Variants in COL2A1 observed in about 807,000 individuals in gnomAD.
The protein encoded by COL2A1 is collagen type II alpha 1 chain, also known as collagen alpha-1(II) chain.
In COL2A1, 28 loss-of-function variants were observed where a neutral mutation model predicts 204.5. The ratio of observed to expected loss-of-function variants is 0.14; its 90% CI spans 0.10 to 0.19. The LOEUF is 0.19. COL2A1 is among the 10% of genes least tolerant of loss of function. COL2A1 has a pLI of 1.00. For synonymous variants in COL2A1, 708 were observed against 718.7 expected, an observed-to-expected ratio of 0.99 and a Z score of 0.24; for missense variants, 1,388 against 2,027.5, an observed-to-expected ratio of 0.68 and a Z score of 6.06.
intron 23 of COL2A1, 24 bp from the exon 24 acceptor site, chr12:47,985,989 G>T (rs369923619): frequency 6.4e-7 from 1 of 1,551,148 alleles, no homozygotes; most frequent in Non-Finnish European, 8.7e-7. Flanking sequence ...GGGAGGAGAG[G>T]CAGTGAGTGA....
At chr12:47,986,548 T>TA (rs1555167310) in intron 22 of COL2A1, 105 bp from the exon 23 acceptor site, 4 of 673,816 alleles carry the variant, frequency 5.9e-6, no homozygotes, top group Non-Finnish European at 1.0e-5. Flanking sequence ...GTTTCAGGGC[T>TA]GGGGGGGGGC....
chr12:47,985,649 G>A lies in COL2A1; in HGVS notation c.1681-62C>T, dbSNP rs1472087330. The A allele has an allele frequency of 3.1e-6, 5 of 1,608,416 alleles. No homozygotes were observed. In the South Asian group the frequency reaches 4.4e-5, roughly 14 times the overall value. ...CCGGCCCCAGGACCTCCCAATCCTGGCAGTGCAGGGCTGGAAGGAGCCAGC... is the reference window on the plus strand; with the variant it reads ...CCGGCCCCAGGACCTCCCAATCCTGACAGTGCAGGGCTGGAAGGAGCCAGC... On this transcript the variant is annotated intron_variant, in intron 25 of 53. Coordinates refer to ENST00000380518, the MANE Select transcript of COL2A1 (RefSeq NM_001844.5).
Position 47,980,373 on chromosome 12 carries a change from A to G in COL2A1, c.2625+181T>C, listed in dbSNP as rs910568532. ...TTCTGGCTGGCTGTGGCCAGCCTGT[A>G]CTCTGTCAGTCCCTACACCCCACCC... On this transcript the variant is annotated intron_variant, in intron 39 of 53. Transcript: ENST00000380518. The surrounding 1 kb of genome is among the most constrained non-coding windows in gnomAD (Gnocchi z 4.5). Among the ~76,000 whole-genome samples the G allele has an allele frequency of 6.6e-6, 1 of 151,808 alleles. No homozygotes were observed. The highest frequency in any genetic ancestry group is 2.4e-5 in the African/African-American group (1 of 41,324).
intron 40 of COL2A1, 55 bp downstream of exon 40, chr12:47,979,954 C>T: frequency 6.7e-7 from 1 of 1,482,382 alleles, no homozygotes; most frequent in Non-Finnish European, 9.2e-7. Context: ...ATGGGAGCCT[C>T]TGGGGCCAGG....
Position 47,980,752 on chromosome 12 carries a change from G to A in COL2A1, c.2518-91C>T, listed in dbSNP as rs41263867. 3.9e-3 allele frequency: 5,492 copies of A among 1,418,304 alleles called. 206 individuals carry two copies. The African/African-American group carries it at 0.067, about 17-fold the overall frequency. 87.9% of individuals were successfully genotyped at this position (1,418,304 alleles called of 1,614,324 possible). A position where few individuals can be genotyped will look rare whatever the true frequency, so the allele number is the denominator to read the frequency against. On this transcript the variant is annotated intron_variant, in intron 38 of 53. Transcript: ENST00000380518. The surrounding 1 kb of genome is among the most constrained non-coding windows in gnomAD (Gnocchi z 4.5). ...AGCAGGAGACTCTGTGAGTATCTGC[G>A]TGTGTGTCCTGGTCTGGACATGATG...
chr12:47,977,283 A>G (rs1442827815), intron 46 of COL2A1, 37 bp downstream of exon 46: 1 of 1,585,082 alleles, frequency 6.3e-7, no homozygotes, highest in Admixed American at 1.7e-5. Flanking sequence ...CCCACCGCGC[A>G]GGGGAAGGCG....
chr12:47,981,419 G>C, intron 36 of COL2A1, 23 bp from the exon 37 acceptor site: 1 of 1,603,526 alleles, frequency 6.2e-7, no homozygotes, highest in African/African-American at 1.3e-5. Context: ...AAGGGAGGAA[G>C]AGCTGGGGTA....
At chr12:47,991,517 C>A (rs1286940110) in intron 16 of COL2A1, among the ~76,000 whole-genome samples, 1 of 152,136 alleles carries the variant, frequency 6.6e-6, no homozygotes, top group Non-Finnish European at 1.5e-5. Context: ...AGAGCAGAGG[C>A]CTCGCAGAGC....
intron 8 of COL2A1, 49 bp downstream of exon 8, chr12:47,996,499 G>A: frequency 6.7e-7 from 1 of 1,492,060 alleles, no homozygotes. Flanking sequence ...GCTCTGCTAA[G>A]GGCCACCTCC....
intron 1 of COL2A1, 111 bp downstream of exon 1, chr12:48,004,126 G>T: frequency 1.3e-6 from 1 of 792,032 alleles, no homozygotes; most frequent in Non-Finnish European, 2.2e-6. Flanking sequence ...ACGACCCCGG[G>T]AGCCGTTTTA....
chr12:47,990,629 T>C (rs1430407232), intron 16 of COL2A1, among the ~76,000 whole-genome samples: 5 of 152,196 alleles, frequency 3.3e-5, no homozygotes, highest in Non-Finnish European at 5.9e-5. Flanking sequence ...ATGTCTACCA[T>C]TGGCTCCCTG....
At chr12:47,985,208 C>T in intron 26 of COL2A1, 115 bp from the exon 27 acceptor site, 2 of 834,450 alleles carry the variant, frequency 2.4e-6, no homozygotes, top group Non-Finnish European at 4.0e-6. Context: ...CACACATGCT[C>T]AGCATCTAGG....
In COL2A1 at chr12:47,982,605, G is replaced by C; in HGVS notation, c.2198C>G (p.Ala733Gly). ...CCCAGGGGGGCCTGCTGGGCCAGAT[G>C]CACCCTGGGGAGGGAGGTAAGAGGG... The part of the protein sequence containing the change: ...GTPGTDGPKG[A>G]SGPAGPPGAQ... Residue 733 changes from alanine to glycine, a missense_variant, in exon 34 of 54, where the codon GCA (alanine) becomes GGA (glycine). Ala to Gly is a moderately conservative substitution (Grantham distance 60, BLOSUM62 0). Coordinates refer to ENST00000380518, the MANE Select transcript of COL2A1 (RefSeq NM_001844.5). The C allele has an allele frequency of 6.2e-7, 1 of 1,609,322 alleles. No homozygotes were observed.
chr12:47,979,385 T>C, intron 41 of COL2A1, 126 bp downstream of exon 41: 6 of 995,236 alleles, frequency 6.0e-6, no homozygotes, highest in Non-Finnish European at 9.6e-6. Flanking sequence ...AGTTAGCTAC[T>C]CCTCCAGGGG....
intron 37 of COL2A1, 130 bp downstream of exon 37, chr12:47,981,212 CG>C: frequency 9.7e-7 from 1 of 1,028,654 alleles, no homozygotes; most frequent in Non-Finnish European, 1.5e-6. Context: ...CTAGACCCAG[CG>C]GGTAGGGAGG....
intron 27 of COL2A1, 58 bp downstream of exon 27, chr12:47,984,937 G>T: frequency 7.0e-7 from 1 of 1,429,398 alleles, no homozygotes; most frequent in Non-Finnish European, 9.8e-7. Flanking sequence ...TTCCCCAAGA[G>T]GGCAGGGAGG....
At position 47,976,135 on chromosome 12, in the gene COL2A1, G is replaced by A; in HGVS notation, c.3490-65C>T. The A allele has an allele frequency of 8.3e-7, 1 of 1,200,560 alleles. No homozygotes were observed. Among genetic ancestry groups the A allele is most frequent in the Admixed American group, 1.7e-5 (1 of 59,362 alleles). The allele number at this position is 1,200,560 out of a possible 1,614,324, so 74.4% of individuals were successfully genotyped here. On this transcript the variant is annotated intron_variant, in intron 49 of 53. Coordinates refer to ENST00000380518, the MANE Select transcript of COL2A1 (RefSeq NM_001844.5). This position sits in a 1 kb window ranked among gnomAD's most constrained non-coding sequence, Gnocchi z 4.3. ...CAGGGAAGGCTGGGGAGTCGCTGGG[G>A]CTGGGTAGGTGGCTGTCCTGATAGC...
upstream of COL2A1, among the ~76,000 whole-genome samples, chr12:48,004,761 C>A (rs949898546): frequency 1.3e-5 from 2 of 152,188 alleles, no homozygotes; most frequent in Admixed American, 1.3e-4. Flanking sequence ...GCGCTGCCCC[C>A]CTCTGACCAC....
chr12:47,974,648 C>T lies in COL2A1; in HGVS notation c.4074+27G>A, dbSNP rs372167670. The T allele has an allele frequency of 1.1e-5, 18 of 1,611,956 alleles. No individual in the cohort carries two copies. In the African/African-American group the frequency reaches 1.2e-4, roughly 11 times the overall value. ...AAGAGTTTGAGGAGCCATCTCTGCT[C>T]ATCATCTAGGGCACCCAGGTACTCA... On this transcript the variant is annotated intron_variant, in intron 52 of 53. Transcript: ENST00000380518.
Sources: allele counts gnomAD v4.1 joint callset (sites outside exome capture counted in the v4.1 genomes callset), GRCh38; gene constraint gnomAD v4.1.1; non-coding constraint Gnocchi (gnomAD v3.1); transcripts MANE v1.5; gene names NCBI Gene and HGNC (gene_info 2026-07-23, HGNC 2026-07-21).